Variants in ARID1B observed in about 807,000 individuals in gnomAD.
ARID1B encodes the protein AT-rich interactive domain-containing protein 1B.
ARID1B carries 30 observed loss-of-function variants against 212.3 expected under a neutral mutation model. The observed-to-expected ratio is 0.14, with a 90% CI of 0.11 to 0.19. The LOEUF (loss-of-function observed/expected upper bound fraction) is 0.19, where lower values mean the gene tolerates loss of function less well. Among genes scored for constraint, ARID1B ranks in the 10% least tolerant of loss-of-function variants. The probability of loss-of-function intolerance (pLI) is 1.00; values close to 1 mark genes in which losing one functional copy is unlikely to be tolerated. For synonymous variants in ARID1B, 1,402 were observed against 1,301.7 expected, an observed-to-expected ratio of 1.08 and a Z score of -1.66; for missense variants, 2,891 against 3,204.0, an observed-to-expected ratio of 0.90 and a Z score of 2.36.
rs151309203 is a variant in ARID1B, at chr6:157,035,570, A to G, written c.2248-49092A>G. ...AAATCTAACAGCCTTGGAAATTAAA[A>G]TGTAAACAGAAATGCTGTCAGTGAA... On this transcript the variant is annotated intron_variant, in intron 4 of 19. Coordinates refer to ENST00000636930, the MANE Select transcript of ARID1B (RefSeq NM_001374828.1). Among the ~76,000 whole-genome samples the G allele has an allele frequency of 2.0e-5, 3 of 152,382 alleles. No homozygotes were observed. In the East Asian group the frequency reaches 5.8e-4, roughly 29 times the overall value.
At chr6:157,048,641 G>A (rs1249724650) in intron 4 of ARID1B, among the ~76,000 whole-genome samples, 1 of 152,216 alleles carries the variant, frequency 6.6e-6, no homozygotes, top group Non-Finnish European at 1.5e-5. Context: ...TGACAGAATT[G>A]TGGTTGAAAA....
chr6:156,784,627 G>A (rs574753212), intron 1 of ARID1B, among the ~76,000 whole-genome samples: 1 of 152,226 alleles, frequency 6.6e-6, no homozygotes, highest in Non-Finnish European at 1.5e-5. Context: ...GTTTTAATTA[G>A]CAATTCACTT....
At chr6:157,047,205 A>G (rs1782295004) in intron 4 of ARID1B, among the ~76,000 whole-genome samples, 1 of 152,238 alleles carries the variant, frequency 6.6e-6, no homozygotes, top group Non-Finnish European at 1.5e-5. Context: ...AAAGTAGTTT[A>G]TTCCAATTGG....
chr6:156,806,648 G>T (rs1211086269), intron 1 of ARID1B, among the ~76,000 whole-genome samples: 2 of 152,200 alleles, frequency 1.3e-5, no homozygotes, highest in African/African-American at 2.4e-5. Flanking sequence ...CTTGGCTAAG[G>T]ACACGACTTT....
intron 17 of ARID1B, among the ~76,000 whole-genome samples, chr6:157,199,451 C>A (rs1583497516): frequency 6.6e-6 from 1 of 152,194 alleles, no homozygotes; most frequent in East Asian, 1.9e-4. Flanking sequence ...CTCCCCCTTA[C>A]AGTGACCAGT....
Position 156,893,045 on chromosome 6 carries a change from C to CTTTTTTTTT in ARID1B, c.1987-8324_1987-8316dup, listed in dbSNP as rs567719662. On this transcript the variant is annotated intron_variant, in intron 2 of 19. Coordinates refer to ENST00000636930, the MANE Select transcript of ARID1B (RefSeq NM_001374828.1). ...AACTCTTTTTTTTTCTTTTTTCTTCCTTTTTTTTTTTTTTTGAGATGGAGT... is the reference window on the plus strand; with the variant it reads ...AACTCTTTTTTTTTCTTTTTTCTTCCTTTTTTTTTTTTTTTTTTTTTTTTGAGATGGAGT... Among the ~76,000 whole-genome samples, 187 of 85,902 alleles carry CTTTTTTTTT rather than the reference C, an allele frequency of 2.2e-3. 19 individuals carry two copies. The highest frequency in any genetic ancestry group is 8.4e-3 in the African/African-American group (178 of 21,308). 56.4% of individuals were successfully genotyped at this position (85,902 alleles called of 152,430 possible).
Position 157,036,471 on chromosome 6 carries a change from ACTGT to A in ARID1B, c.2248-48185_2248-48182del, listed in dbSNP as rs966841080. ...GCTCTACAAAGGGCAGCTTCCCCTC[ACTGT>A]CTGTCAGTAAAAGACCAAAAGGCAT... On this transcript the variant is annotated intron_variant, in intron 4 of 19. Coordinates refer to ENST00000636930, the MANE Select transcript of ARID1B (RefSeq NM_001374828.1). The A allele has an allele frequency of 1.2e-4, 26 of 221,516 alleles. No individual in the cohort carries two copies. In the South Asian group the frequency reaches 1.8e-3, roughly 15 times the overall value. 13.7% of individuals were successfully genotyped at this position (221,516 alleles called of 1,614,324 possible). A position where few individuals can be genotyped will look rare whatever the true frequency, so the allele number is the denominator to read the frequency against.
intron 3 of ARID1B, among the ~76,000 whole-genome samples, chr6:156,929,550 T>A (rs553857491): frequency 4.3e-4 from 66 of 152,326 alleles, no homozygotes; most frequent in Admixed American, 7.8e-4. Context: ...GAGAAAAGGA[T>A]CAAGAAATTA....
chr6:156,818,459 T>G (rs533610723), intron 1 of ARID1B, among the ~76,000 whole-genome samples: 115 of 152,300 alleles, frequency 7.6e-4, no homozygotes, highest in African/African-American at 2.6e-3. Flanking sequence ...CTGGGGAAAT[T>G]AGTAACTTCT....
intron 5 of ARID1B, among the ~76,000 whole-genome samples, chr6:157,091,405 A>G (rs982921363): frequency 1.3e-5 from 2 of 152,162 alleles, no homozygotes; most frequent in African/African-American, 4.8e-5. Context: ...AGCTAAGTAG[A>G]TTTCTCTACC....
intron 4 of ARID1B, among the ~76,000 whole-genome samples, chr6:157,051,570 G>T (rs1275514596): frequency 2.0e-5 from 3 of 152,122 alleles, no homozygotes; most frequent in African/African-American, 7.2e-5. Flanking sequence ...ATACTGAAAT[G>T]TAATATGCAA....
chr6:156,950,885 T>C (rs1233936043), intron 4 of ARID1B, among the ~76,000 whole-genome samples: 1 of 152,174 alleles, frequency 6.6e-6, no homozygotes, highest in Admixed American at 6.5e-5. Flanking sequence ...TAATTTCTCA[T>C]TAAAACAATA....
At chr6:156,901,575 G>A (rs377533018) in intron 3 of ARID1B, 50 bp downstream of exon 3, 1 of 1,564,766 alleles carries the variant, frequency 6.4e-7, no homozygotes, top group Non-Finnish European at 8.6e-7. Flanking sequence ...CACCAAGGCA[G>A]ACCCGGCTCT....
chr6:156,934,231 A>C (rs541945755), intron 3 of ARID1B, among the ~76,000 whole-genome samples: 1 of 152,312 alleles, frequency 6.6e-6, no homozygotes, highest in African/African-American at 2.4e-5. Flanking sequence ...GAGACATGCT[A>C]TAATAAGTAT....
rs576037969 is a variant in ARID1B at position 156,897,191 on chromosome 6, ACTG to A, written c.1987-4158_1987-4156del. ...AGCAAATTCTTCTTTTGCTGCTGCT[ACTG>A]CTGCTGCTGCTGCTGCTGCTGCTGC... On this transcript the variant is annotated intron_variant, in intron 2 of 19. Coordinates refer to ENST00000636930, the MANE Select transcript of ARID1B (RefSeq NM_001374828.1). Among the ~76,000 whole-genome samples the A allele has an allele frequency of 1.4e-3, 156 of 112,074 alleles. 4 individuals are homozygous for A. The highest frequency in any genetic ancestry group is 2.8e-3 in the African/African-American group (87 of 30,644). The allele number at this position is 112,074 out of a possible 152,430, so 73.5% of individuals were successfully genotyped here.
chr6:156,822,017 T>G (rs1447758228), intron 1 of ARID1B, among the ~76,000 whole-genome samples: 1 of 152,116 alleles, frequency 6.6e-6, no homozygotes, highest in Non-Finnish European at 1.5e-5. Context: ...TATCTTTTTT[T>G]TTTTTCAGTA....
chr6:156,912,059 A>T (rs1789932910), intron 3 of ARID1B, among the ~76,000 whole-genome samples: 3 of 152,204 alleles, frequency 2.0e-5, no homozygotes. Context: ...TGTATTTTCT[A>T]AATTATCTAC....
chr6:157,092,354 G>T (rs1001257723), intron 5 of ARID1B, among the ~76,000 whole-genome samples: 4 of 152,200 alleles, frequency 2.6e-5, no homozygotes, highest in Non-Finnish European at 5.9e-5. Context: ...TTCAGGCCAA[G>T]ATCCTGGTTA....
intron 8 of ARID1B, among the ~76,000 whole-genome samples, chr6:157,160,678 C>A (rs1790869954): frequency 6.6e-6 from 1 of 152,198 alleles, no homozygotes; most frequent in African/African-American, 2.4e-5. Flanking sequence ...AGGATAAAGA[C>A]CAAACCCAGA....
Sources: gnomAD v4.1 joint callset for allele counts (sites outside exome capture counted in the v4.1 genomes callset) on GRCh38, gnomAD v4.1.1 for gene constraint, MANE v1.5 for transcripts, NCBI Gene and HGNC (gene_info 2026-07-23, HGNC 2026-07-21) for gene names.